The following OPCML variants were observed in gnomAD, a reference collection of about 807,000 sequenced individuals.
OPCML encodes the protein opioid binding protein/cell adhesion molecule like.
A neutral mutation model predicts 37.8 loss-of-function variants in OPCML; 13 were observed. The observed-to-expected ratio is 0.34, with a 90% confidence interval of 0.22 to 0.55. The LOEUF is 0.55. Ranked by LOEUF, OPCML falls within the 20% of genes least tolerant of loss-of-function variation. The probability of loss-of-function intolerance (pLI) is 0.91; values close to 1 mark genes in which losing one functional copy is unlikely to be tolerated. For missense variants in OPCML, 341 were observed against 435.6 expected (o/e 0.78, Z 1.93); for synonymous variants, 176 against 168.8 (o/e 1.04, Z -0.33).
In OPCML at chr11:132,843,977, G is replaced by A. The variant is rs137913966; in HGVS notation, c.146+98949C>T. On this transcript the variant is annotated intron_variant, in intron 2 of 7. Coordinates refer to ENST00000524381, the MANE Select transcript of OPCML (RefSeq NM_001012393.5). ...ATGTGTTGTGGGAGGGACCTGGTGG[G>A]AGGTAATTGAATCATGGGGGCAGGT... Among the ~76,000 whole-genome samples, 150 of 152,142 alleles carry A rather than the reference G, an allele frequency of 9.9e-4. 1 individual carries two copies. The highest frequency in any genetic ancestry group is 3.4e-3 in the African/African-American group (140 of 41,384).
chr11:132,648,162 A>G (rs1941249280), intron 3 of OPCML, among the ~76,000 whole-genome samples: 1 of 152,206 alleles, frequency 6.6e-6, no homozygotes, highest in South Asian at 2.1e-4. Flanking sequence ...GCGGGTGGTG[A>G]GGCTTGAAAC....
chr11:133,063,648 G>A (rs1412161916), intron 1 of OPCML, among the ~76,000 whole-genome samples: 1 of 151,316 alleles, frequency 6.6e-6, no homozygotes, highest in African/African-American at 2.4e-5. Flanking sequence ...TACAACCTCC[G>A]CCTCCCAGAT....
rs1434558745 is a variant in OPCML, at chr11:133,206,819, C to T, written c.62-263809G>A. On this transcript the variant is annotated intron_variant, in intron 1 of 7. Transcript: ENST00000524381. This position sits in a 1 kb window ranked among gnomAD's most constrained non-coding sequence, Gnocchi z 4.7. Reference sequence around the variant, plus strand: ...TGAATGGATGCAGCACCCACGCTTACCCTCCACACTCTCACGATGTCCACA... The same window carrying T: ...TGAATGGATGCAGCACCCACGCTTATCCTCCACACTCTCACGATGTCCACA... Among the ~76,000 whole-genome samples, 4 of 152,188 alleles carry T rather than the reference C, an allele frequency of 2.6e-5. No homozygotes were observed. The highest frequency in any genetic ancestry group is 5.9e-5 in the Non-Finnish European group (4 of 68,046).
chr11:133,014,679 T>G (rs1360004271), intron 1 of OPCML, among the ~76,000 whole-genome samples: 2 of 152,238 alleles, frequency 1.3e-5, no homozygotes, highest in African/African-American at 4.8e-5. Flanking sequence ...GGAGACAAGC[T>G]GCAAGCTTGC....
chr11:133,370,465 G>A lies in OPCML; in HGVS notation c.61+161799C>T, dbSNP rs141540637. On this transcript the variant is annotated intron_variant, in intron 1 of 7. Transcript: ENST00000524381. ...AGATAGAAAAAAGGAAGGAAATCCC[G>A]TTTACAATAGCTCAAACAGAAAAAA... is the stretch of plus-strand genomic sequence containing the variant. Among the ~76,000 whole-genome samples the A allele has an allele frequency of 9.9e-4, 138 of 139,250 alleles. 1 individual carries two copies. The highest frequency in any genetic ancestry group is 7.6e-3 in the Middle Eastern group (2 of 264). The allele number at this position is 139,250 out of a possible 152,430, so 91.4% of individuals were successfully genotyped here.
At chr11:133,417,942 G>GA (rs147647662) in intron 1 of OPCML, among the ~76,000 whole-genome samples, 10,735 of 149,852 alleles carry the variant, frequency 0.072, 1,073 homozygotes, top group African/African-American at 0.22. Flanking sequence ...AAAAATATAG[G>GA]AAAAAAAAAC....
At chr11:133,029,303 T>C (rs1029749391) in intron 1 of OPCML, among the ~76,000 whole-genome samples, 4 of 152,316 alleles carry the variant, frequency 2.6e-5, no homozygotes, top group South Asian at 4.1e-4. Context: ...CTGTGTAAAG[T>C]AGTTTGGAGA....
At chr11:133,252,961 C>T (rs1196086583) in intron 1 of OPCML, among the ~76,000 whole-genome samples, 1 of 152,052 alleles carries the variant, frequency 6.6e-6, no homozygotes, top group Admixed American at 6.5e-5. Flanking sequence ...GCCTGACCAA[C>T]ATGGTGAAAC....
chr11:132,656,147 T>C (rs1222106313), intron 3 of OPCML, among the ~76,000 whole-genome samples: 1 of 152,132 alleles, frequency 6.6e-6, no homozygotes, highest in African/African-American at 2.4e-5. Flanking sequence ...ACTAATGTGC[T>C]TACAACTTCA....
Position 133,140,799 on chromosome 11 carries a change from A to AGAAGACGACAAC in OPCML, c.62-197790_62-197789insGTTGTCGTCTTC, listed in dbSNP as rs1565467988. Among the ~76,000 whole-genome samples, 101 of 144,356 alleles carry AGAAGACGACAAC rather than the reference A, an allele frequency of 7.0e-4. 3 individuals carry two copies. The highest frequency in any genetic ancestry group is 2.6e-3 in the African/African-American group (100 of 38,348). 94.7% of individuals were successfully genotyped at this position (144,356 alleles called of 152,430 possible). A position where few individuals can be genotyped will look rare whatever the true frequency, so the allele number is the denominator to read the frequency against. ...AAGAAGAAGACGACGAAGAAGAAGA[A>AGAAGACGACAAC]GAAGAAGACGACGACGAAGAAGAAG... On this transcript the variant is annotated intron_variant, in intron 1 of 7. Coordinates refer to ENST00000524381, the MANE Select transcript of OPCML (RefSeq NM_001012393.5).
At chr11:132,734,859 T>C (rs1945197929) in intron 2 of OPCML, among the ~76,000 whole-genome samples, 1 of 152,166 alleles carries the variant, frequency 6.6e-6, no homozygotes, top group Admixed American at 6.5e-5. Flanking sequence ...AGCCTAATGG[T>C]TCTTGAGAAG....
chr11:133,119,939 T>C (rs1315978510), intron 1 of OPCML, among the ~76,000 whole-genome samples: 4 of 152,124 alleles, frequency 2.6e-5, no homozygotes, highest in Admixed American at 2.6e-4. Context: ...AGATGCAGGC[T>C]CTTCCTGCCA....
At position 133,455,496 on chromosome 11, in the gene OPCML, G is replaced by A. The variant is rs139279217; in HGVS notation, c.61+76768C>T. On this transcript the variant is annotated intron_variant, in intron 1 of 7. Coordinates refer to ENST00000524381, the MANE Select transcript of OPCML (RefSeq NM_001012393.5). ...TAGCCATGTGCATAGTGCAATTTAA[G>A]GGGTGTCACAAACCCCATCTCCTCT... is the stretch of plus-strand genomic sequence containing the variant. 2.2e-3 allele frequency among the ~76,000 whole-genome samples: 342 copies of A among 152,224 alleles called. 1 individual carries two copies. Among genetic ancestry groups the A allele is most frequent in the African/African-American group, 7.5e-3 (311 of 41,546 alleles).
chr11:132,611,308 G>A (rs1263770328), intron 3 of OPCML, among the ~76,000 whole-genome samples: 3 of 152,054 alleles, frequency 2.0e-5, no homozygotes, highest in Non-Finnish European at 2.9e-5. Flanking sequence ...CTCTACACCT[G>A]GAATGCACCC....
chr11:132,960,816 A>G (rs1946077250), intron 1 of OPCML, among the ~76,000 whole-genome samples: 1 of 152,170 alleles, frequency 6.6e-6, no homozygotes, highest in Admixed American at 6.5e-5. Flanking sequence ...ATTTGGTCTG[A>G]CATCTTTGTG....
At chr11:132,833,150 G>C (rs1405294026) in intron 2 of OPCML, among the ~76,000 whole-genome samples, 1 of 147,858 alleles carries the variant, frequency 6.8e-6, no homozygotes, top group Admixed American at 6.7e-5. Flanking sequence ...AATATATATA[G>C]TTTAATTTTT....
intron 4 of OPCML, among the ~76,000 whole-genome samples, chr11:132,441,169 T>TTTTTTTTTTTTTTTG (rs2096032315): frequency 8.8e-6 from 1 of 113,648 alleles, no homozygotes; most frequent in Non-Finnish European, 1.9e-5. Flanking sequence ...TTTTTTGTTT[T>TTTTTTTTTTTTTTTG]TTTTTTTTTT....
intron 1 of OPCML, among the ~76,000 whole-genome samples, chr11:133,281,981 G>T (rs920791359): frequency 4.0e-5 from 6 of 151,878 alleles, no homozygotes; most frequent in Non-Finnish European, 5.9e-5. Context: ...TGGTGTGGCT[G>T]CTTTTAATGG....
intron 3 of OPCML, among the ~76,000 whole-genome samples, chr11:132,633,897 G>C (rs1002735155): frequency 5.3e-5 from 5 of 93,512 alleles, no homozygotes; most frequent in Middle Eastern, 7.1e-3. Flanking sequence ...TAAGAAATCG[G>C]GGGTGGGAGG....
Sources: gnomAD v4.1 joint callset for allele counts (sites outside exome capture counted in the v4.1 genomes callset) on GRCh38, gnomAD v4.1.1 for gene constraint, Gnocchi (gnomAD v3.1) non-coding constraint, MANE v1.5 for transcripts, NCBI Gene and HGNC (gene_info 2026-07-23, HGNC 2026-07-21) for gene names.